Variants in IL17RE observed in about 807,000 individuals in gnomAD.
IL17RE encodes interleukin 17 receptor E.
IL17RE carries 47 observed loss-of-function variants against 70.7 expected under a neutral mutation model. That is an observed-to-expected ratio of 0.67 (90% CI 0.53 to 0.85). The LOEUF (loss-of-function observed/expected upper bound fraction) is 0.85, where lower values mean the gene tolerates loss of function less well. Ranked by LOEUF, IL17RE falls within the 40% of genes least tolerant of loss-of-function variation. IL17RE has a pLI of 0.00. For missense variants in IL17RE, 850 were observed against 893.9 expected, an observed-to-expected ratio of 0.95 and a Z score of 0.63; for synonymous variants, 372 against 381.2, an observed-to-expected ratio of 0.98 and a Z score of 0.28.
Position 9,915,224 on chromosome 3 carries a change from C to A in IL17RE, c.1448-27C>A, listed in dbSNP as rs1274975528. On this transcript the variant is annotated intron_variant, in intron 15 of 15. Coordinates refer to ENST00000383814, the MANE Select transcript of IL17RE (RefSeq NM_153480.2). The surrounding 1 kb of genome is among the most constrained non-coding windows in gnomAD (Gnocchi z 4.9). Reference sequence around the variant, plus strand: ...GCTGAGCAGTCCCTCAGCCGCCCAGCCTTCATCTGTTGCTTCCCGCCACCA... The same window carrying A: ...GCTGAGCAGTCCCTCAGCCGCCCAGACTTCATCTGTTGCTTCCCGCCACCA... 1 of 1,374,158 alleles carries A rather than the reference C, an allele frequency of 7.3e-7. No individual in the cohort carries two copies. Among genetic ancestry groups the A allele is most frequent in the East Asian group, 3.0e-5 (1 of 33,754 alleles). 85.1% of individuals were successfully genotyped at this position (1,374,158 alleles called of 1,614,324 possible).
intron 12 of IL17RE, among the ~76,000 whole-genome samples, chr3:9,911,970 C>T (rs1036238933): frequency 4.6e-5 from 7 of 152,024 alleles, no homozygotes; most frequent in Admixed American, 4.6e-4. Flanking sequence ...TTCAGGTGTC[C>T]TGTAGCCCAG....
At chr3:9,904,339 T>TA (rs35293495) in intron 3 of IL17RE, among the ~76,000 whole-genome samples, 188 bp downstream of exon 3, 83,609 of 151,960 alleles carry the variant, frequency 0.55, 23,728 homozygotes, top group African/African-American at 0.63. Context: ...TTTATGAAGG[T>TA]TTTTTTTCAG....
At chr3:9,902,146 T>G (rs2082657454), upstream of IL17RE, among the ~76,000 whole-genome samples, 1 of 152,096 alleles carries the variant, frequency 6.6e-6, no homozygotes, top group Admixed American at 6.6e-5. Context: ...TGGAGCCTCG[T>G]CAGCCTTTCT....
At position 9,902,854 on chromosome 3, in the gene IL17RE, G is replaced by C. The variant is rs536645903; in HGVS notation, c.-79G>C. On this transcript the variant is annotated 5_prime_UTR_variant, in exon 1 of 16. Coordinates refer to ENST00000383814, the MANE Select transcript of IL17RE (RefSeq NM_153480.2). ...GAGGGCTCCTGCTGGTACTGTGTTC[G>C]CTGCTGCACAGCAAGGCCCTGCCAC... 1.2e-6 allele frequency: 2 copies of C among 1,610,552 alleles called. No individual in the cohort carries two copies. Among genetic ancestry groups the C allele is most frequent in the East Asian group, 2.2e-5 (1 of 44,842 alleles).
intron 11 of IL17RE, 24 bp downstream of exon 11, chr3:9,911,324 T>C (rs766361178): frequency 1.9e-6 from 3 of 1,614,004 alleles, no homozygotes; most frequent in Admixed American, 1.7e-5. Flanking sequence ...TGACCTCTGC[T>C]GGGACCCCCT....
At chr3:9,914,107 GC>G in intron 13 of IL17RE, 83 bp downstream of exon 13, 1 of 1,145,392 alleles carries the variant, frequency 8.7e-7, no homozygotes, top group Non-Finnish European at 1.3e-6. Context: ...AATCCATTCT[GC>G]AAAAATGTTT....
chr3:9,902,651 C>A, upstream of IL17RE: 1 of 1,536,114 alleles, frequency 6.5e-7, no homozygotes, highest in Non-Finnish European at 8.7e-7. Flanking sequence ...TAGCCCCTTT[C>A]CTGTTACTTC....
In IL17RE at chr3:9,906,840, C is replaced by A; in HGVS notation, c.501C>A (p.Pro167=). The A allele has an allele frequency of 1.2e-6, 2 of 1,614,142 alleles. No homozygotes were observed. Among genetic ancestry groups the A allele is most frequent in the Non-Finnish European group, 1.7e-6 (2 of 1,180,018 alleles). The change falls in exon 5 of 16, where the codon CCC becomes CCA. Residue 167 remains proline, a synonymous_variant. Transcript: ENST00000383814. Reference sequence around the variant, plus strand: ...ATCCAGAGACATGGGAAAGTCTTCCCAGATTGGACTCACAAAGGCATGGAG... The same window carrying A: ...ATCCAGAGACATGGGAAAGTCTTCCAAGATTGGACTCACAAAGGCATGGAG... The part of the protein sequence containing the change: ...PSDPETWESL[P]RLDSQRHGGP...
intron 12 of IL17RE, 168 bp downstream of exon 12, chr3:9,911,765 A>G: frequency 3.3e-6 from 2 of 608,580 alleles, no homozygotes; most frequent in East Asian, 5.7e-5. Flanking sequence ...ACTTGCTGAC[A>G]GTAGGTTCCT....
chr3:9,911,677 G>A, intron 12 of IL17RE, 80 bp downstream of exon 12: 1 of 1,333,072 alleles, frequency 7.5e-7, no homozygotes, highest in Non-Finnish European at 1.0e-6. Context: ...GATAGACCCT[G>A]GGAAGGCAGA....
chr3:9,912,590 G>T (rs778965774), intron 12 of IL17RE, among the ~76,000 whole-genome samples: 1 of 152,206 alleles, frequency 6.6e-6, no homozygotes, highest in Non-Finnish European at 1.5e-5. Flanking sequence ...ACAGCACCAC[G>T]CTGACTAAGC....
chr3:9,908,453 C>A, intron 7 of IL17RE, 146 bp downstream of exon 7: 2 of 692,608 alleles, frequency 2.9e-6, no homozygotes, highest in Non-Finnish European at 5.0e-6. Flanking sequence ...GCCAGCTTGG[C>A]TGTGAGCCAC....
intron 3 of IL17RE, among the ~76,000 whole-genome samples, chr3:9,905,979 C>T (rs1052964182): frequency 6.6e-6 from 1 of 151,574 alleles, no homozygotes. Flanking sequence ...TACTATCAGG[C>T]CGGCTCATGC....
In IL17RE at chr3:9,910,378, CA is replaced by C. The variant is rs1373661955; in HGVS notation, c.803-481del. The C allele has an allele frequency of 6.1e-5, 9 of 147,790 alleles. 1 individual carries two copies. The highest frequency in any genetic ancestry group is 7.9e-3 in the Middle Eastern group (2 of 252). 9.2% of individuals were successfully genotyped at this position (147,790 alleles called of 1,614,324 possible). A position where few individuals can be genotyped will look rare whatever the true frequency, so the allele number is the denominator to read the frequency against. On this transcript the variant is annotated intron_variant, in intron 8 of 15. Coordinates refer to ENST00000383814, the MANE Select transcript of IL17RE (RefSeq NM_153480.2). ...TGCAACTCCGTCTCAAAAAAAAAAA[CA>C]AAAAACAGAAAGGTAATGAAAGGGG... is the stretch of plus-strand genomic sequence containing the variant.
chr3:9,914,084 C>T (rs2082955428), intron 13 of IL17RE, 60 bp downstream of exon 13: 1 of 1,329,968 alleles, frequency 7.5e-7, no homozygotes, highest in Admixed American at 1.7e-5. Flanking sequence ...CCTAGTGGCA[C>T]CCACCCCTGG....
At chr3:9,909,123 G>C (rs190877283) in intron 7 of IL17RE, 94 bp from the exon 8 acceptor site, 1 of 1,076,342 alleles carries the variant, frequency 9.3e-7, no homozygotes, top group Non-Finnish European at 1.4e-6. Flanking sequence ...GGCAGCTTGC[G>C]TCACAGTAAG....
intron 7 of IL17RE, among the ~76,000 whole-genome samples, 174 bp downstream of exon 7, chr3:9,908,481 G>T (rs1414911532): frequency 1.3e-5 from 2 of 152,260 alleles, no homozygotes; most frequent in East Asian, 3.8e-4. Context: ...GTCAGAGGTG[G>T]AAGGGTGCTG....
At position 9,906,346 on chromosome 3, in the gene IL17RE, T is replaced by A; in HGVS notation, c.269-18T>A. On this transcript the variant is annotated intron_variant, in intron 3 of 15. Coordinates refer to ENST00000383814, the MANE Select transcript of IL17RE (RefSeq NM_153480.2). ...GGGGTAATGAGGGCTAGATAGTAAGTACGTCTCCCCTGCACAGGTCTTCAA... is the reference window on the plus strand; with the variant it reads ...GGGGTAATGAGGGCTAGATAGTAAGAACGTCTCCCCTGCACAGGTCTTCAA... 1 of 1,551,142 alleles carries A rather than the reference T, an allele frequency of 6.4e-7. No homozygotes were observed. The highest frequency in any genetic ancestry group is 8.9e-7 in the Non-Finnish European group (1 of 1,123,016).
chr3:9,909,893 T>A (rs2082850769), intron 8 of IL17RE: 2 of 152,424 alleles, frequency 1.3e-5, no homozygotes, highest in South Asian at 4.1e-4. Context: ...AGAGAAGGCC[T>A]CTTAGAGGAA....
Sources: gnomAD v4.1 joint callset for allele counts (sites outside exome capture counted in the v4.1 genomes callset) on GRCh38, gnomAD v4.1.1 for gene constraint, Gnocchi (gnomAD v3.1) non-coding constraint, MANE v1.5 for transcripts, NCBI Gene and HGNC (gene_info 2026-07-23, HGNC 2026-07-21) for gene names.